Variants in TBC1D1 observed in about 807,000 individuals in gnomAD.
The protein encoded by TBC1D1 is TBC1 (tre-2/USP6, BUB2, cdc16) domain family, member 1.
A neutral mutation model predicts 125.6 loss-of-function variants in TBC1D1; 89 were observed. The ratio of observed to expected loss-of-function variants is 0.71; its 90% CI spans 0.60 to 0.85. The LOEUF (loss-of-function observed/expected upper bound fraction) is 0.85. Among genes scored for constraint, TBC1D1 ranks in the 40% least tolerant of loss-of-function variants. The pLI is 0.00. For missense variants in TBC1D1, 1,377 were observed against 1,469.2 expected (o/e 0.94, Z 1.03); for synonymous variants, 565 against 564.1 (o/e 1.00, Z -0.02).
intron 2 of TBC1D1, among the ~76,000 whole-genome samples, chr4:37,988,177 G>A (rs941619295): frequency 6.6e-6 from 1 of 152,220 alleles, no homozygotes; most frequent in African/African-American, 2.4e-5. Context: ...TGTAGCACGT[G>A]TTTCCAATAC....
At position 38,124,895 on chromosome 4, in the gene TBC1D1, G is replaced by A; in HGVS notation, c.2963-67G>A. The A allele has an allele frequency of 2.1e-6, 3 of 1,396,228 alleles. No individual in the cohort carries two copies. The South Asian group carries it at 3.6e-5, about 17-fold the overall frequency. 86.5% of individuals were successfully genotyped at this position (1,396,228 alleles called of 1,614,324 possible). A position where few individuals can be genotyped will look rare whatever the true frequency, so the allele number is the denominator to read the frequency against. On this transcript the variant is annotated intron_variant, in intron 17 of 19. Coordinates refer to ENST00000261439, the MANE Select transcript of TBC1D1 (RefSeq NM_015173.4). ...CTCCTGCTCTGTGATGTGTGGAAAAGGCAATGGAATGGTATTGCGTGAGAA... is the reference window on the plus strand; with the variant it reads ...CTCCTGCTCTGTGATGTGTGGAAAAAGCAATGGAATGGTATTGCGTGAGAA...
At position 38,124,905 on chromosome 4, in the gene TBC1D1, T is replaced by C. The variant is rs894567108; in HGVS notation, c.2963-57T>C. On this transcript the variant is annotated intron_variant, in intron 17 of 19. Transcript: ENST00000261439. ...GTGATGTGTGGAAAAGGCAATGGAA[T>C]GGTATTGCGTGAGAAACTGGTCTGG... 32 of 1,473,316 alleles carry C rather than the reference T, an allele frequency of 2.2e-5. No homozygotes were observed. The African/African-American group carries it at 4.3e-4, about 20-fold the overall frequency. The allele number at this position is 1,473,316 out of a possible 1,614,324, so 91.3% of individuals were successfully genotyped here.
In TBC1D1 at chr4:38,111,104, G is replaced by A. The variant is rs192585695; in HGVS notation, c.2558-4606G>A. 5.3e-4 allele frequency among the ~76,000 whole-genome samples: 80 copies of A among 152,366 alleles called. No homozygotes were observed. In the East Asian group the frequency reaches 9.4e-3, roughly 18 times the overall value. Reference sequence around the variant, plus strand: ...ATCATATGGGTGGTCTTTGTGGAATGCCATCAGCACTAGCTTAGTACCTCC... The same window carrying A: ...ATCATATGGGTGGTCTTTGTGGAATACCATCAGCACTAGCTTAGTACCTCC... On this transcript the variant is annotated intron_variant, in intron 15 of 19. Transcript: ENST00000261439.
chr4:38,090,454 C>T (rs1021242731), intron 13 of TBC1D1, among the ~76,000 whole-genome samples: 6 of 151,250 alleles, frequency 4.0e-5, no homozygotes, highest in African/African-American at 1.2e-4. Flanking sequence ...TCTCTCTCTA[C>T]TTTATCCTCA....
intron 3 of TBC1D1, among the ~76,000 whole-genome samples, chr4:38,015,276 A>T (rs1742459828): frequency 6.6e-6 from 1 of 152,202 alleles, no homozygotes; most frequent in Admixed American, 6.5e-5. Flanking sequence ...AGATTTAAAA[A>T]ATATATATGA....
chr4:38,080,466 C>T (rs1002686753), intron 12 of TBC1D1, among the ~76,000 whole-genome samples: 2 of 152,222 alleles, frequency 1.3e-5, no homozygotes, highest in Non-Finnish European at 2.9e-5. Context: ...CTTCTGACCA[C>T]CTGACCTGAC....
chr4:38,081,285 C>T lies in TBC1D1; in HGVS notation c.2051-8647C>T, dbSNP rs540702358. Among the ~76,000 whole-genome samples the T allele has an allele frequency of 4.0e-4, 61 of 152,226 alleles. 1 individual carries two copies. The South Asian group carries it at 0.011, about 28-fold the overall frequency. On this transcript the variant is annotated intron_variant, in intron 12 of 19. Coordinates refer to ENST00000261439, the MANE Select transcript of TBC1D1 (RefSeq NM_015173.4). ...CACAGAGGAGGCGTCTGGGGTCCCT[C>T]GGGGCAGGTGCAGCAGGAGGAAGCC...
intron 12 of TBC1D1, among the ~76,000 whole-genome samples, chr4:38,056,852 T>G (rs1751807681): frequency 6.6e-6 from 1 of 152,152 alleles, no homozygotes; most frequent in African/African-American, 2.4e-5. Flanking sequence ...TTTTTTTCCC[T>G]CGCATAGTTT....
intron 1 of TBC1D1, among the ~76,000 whole-genome samples, chr4:37,893,823 G>A (rs1250733814): frequency 6.6e-6 from 1 of 152,114 alleles, no homozygotes; most frequent in Non-Finnish European, 1.5e-5. Flanking sequence ...GTTGGGGTTT[G>A]TATCCCTGTA....
At chr4:38,061,182 C>T (rs1752674200) in intron 12 of TBC1D1, among the ~76,000 whole-genome samples, 1 of 152,144 alleles carries the variant, frequency 6.6e-6, no homozygotes, top group South Asian at 2.1e-4. Flanking sequence ...GTCTTTCCTG[C>T]CCTTTGGTTT....
At chr4:38,064,077 C>T (rs1048976528) in intron 12 of TBC1D1, among the ~76,000 whole-genome samples, 1 of 152,202 alleles carries the variant, frequency 6.6e-6, no homozygotes, top group Non-Finnish European at 1.5e-5. Flanking sequence ...CATCTAAGTG[C>T]AATCATATAA....
At chr4:38,053,055 T>C in intron 11 of TBC1D1, 51 bp from the exon 13 acceptor site, 1 of 1,261,308 alleles carries the variant, frequency 7.9e-7, no homozygotes, top group Non-Finnish European at 1.0e-6. Flanking sequence ...TTTTATACTT[T>C]GTGTTTTTAT....
chr4:37,977,520 G>C lies in TBC1D1; in HGVS notation c.418-36989G>C. 1.2e-5 allele frequency: 12 copies of C among 990,808 alleles called. No individual in the cohort carries two copies. Among genetic ancestry groups the C allele is most frequent in the Non-Finnish European group, 1.5e-5 (12 of 823,934 alleles). 61.4% of individuals were successfully genotyped at this position (990,808 alleles called of 1,614,324 possible). A position where few individuals can be genotyped will look rare whatever the true frequency, so the allele number is the denominator to read the frequency against. ...CCGCGATGTCACCATTGTTCAGCTG[G>C]GTGGCCAAGGTAGGCGGCGTCGGGC... On this transcript the variant is annotated intron_variant, in intron 2 of 19. Transcript: ENST00000261439. The surrounding 1 kb of genome is among the most constrained non-coding windows in gnomAD (Gnocchi z 4.3).
rs1157171330 is a variant in TBC1D1, at chr4:37,951,952, A to G, written c.417+49440A>G. ...CCTCCCTGTGACTGTACAAACCTAC[A>G]TACTGACACCTATGTGTTCTCAGAC... On this transcript the variant is annotated intron_variant, in intron 2 of 19. Transcript: ENST00000261439. 4.2e-6 allele frequency: 3 copies of G among 717,256 alleles called. No homozygotes were observed. In the African/African-American group the frequency reaches 5.2e-5, roughly 13 times the overall value. The allele number at this position is 717,256 out of a possible 1,614,324, so 44.4% of individuals were successfully genotyped here. A position where few individuals can be genotyped will look rare whatever the true frequency, so the allele number is the denominator to read the frequency against.
chr4:38,028,744 G>A (rs1745568375), intron 7 of TBC1D1, among the ~76,000 whole-genome samples: 1 of 152,206 alleles, frequency 6.6e-6, no homozygotes, highest in African/African-American at 2.4e-5. Flanking sequence ...TGGTCCGCAT[G>A]TACTCATCTG....
chr4:37,976,786 CA>C (rs1553910627), intron 2 of TBC1D1, among the ~76,000 whole-genome samples: 1 of 152,224 alleles, frequency 6.6e-6, no homozygotes, highest in Non-Finnish European at 1.5e-5. Flanking sequence ...CAACATTTCT[CA>C]AGTTGCTAAA....
intron 2 of TBC1D1, among the ~76,000 whole-genome samples, chr4:37,988,241 A>C (rs932372914): frequency 2.0e-5 from 3 of 152,250 alleles, no homozygotes; most frequent in African/African-American, 7.2e-5. Flanking sequence ...CTTGATCTAT[A>C]AAATGAGAAC....
intron 2 of TBC1D1, among the ~76,000 whole-genome samples, chr4:37,918,729 T>G (rs1171035115): frequency 6.6e-6 from 1 of 152,224 alleles, no homozygotes; most frequent in Non-Finnish European, 1.5e-5. Context: ...ATTACAGGCA[T>G]GAGCCACCCT....
At chr4:38,053,542 TA>T (rs1751123007) in intron 11 of TBC1D1, among the ~76,000 whole-genome samples, 2 of 152,338 alleles carry the variant, frequency 1.3e-5, no homozygotes, top group African/African-American at 4.8e-5. Flanking sequence ...TCAGGACGTC[TA>T]ATCTGTAAGT....
Sources: allele counts gnomAD v4.1 joint callset (sites outside exome capture counted in the v4.1 genomes callset), GRCh38; gene constraint gnomAD v4.1.1; non-coding constraint Gnocchi (gnomAD v3.1); transcripts MANE v1.5; gene names NCBI Gene and HGNC (gene_info 2026-07-23, HGNC 2026-07-21).